RINL: variants seen among roughly 807,000 people sequenced by gnomAD.
RINL encodes Ras and Rab interactor like.
Under a neutral mutation model 58.1 loss-of-function variants are expected in RINL, and 39 were observed. The ratio of observed to expected loss-of-function variants is 0.67; its 90% CI spans 0.52 to 0.88. The LOEUF (loss-of-function observed/expected upper bound fraction) is 0.88, where lower values mean the gene tolerates loss of function less well. Ranked by LOEUF, RINL falls within the 40% of genes least tolerant of loss-of-function variation. The pLI, the probability that RINL is intolerant of heterozygous loss-of-function variation, is 0.00. For synonymous variants in RINL, 286 were observed against 323.1 expected (o/e 0.89, Z 1.23); for missense variants, 711 against 749.2 (o/e 0.95, Z 0.60).
At position 38,869,501 on chromosome 19, in the gene RINL, C is replaced by CG; in HGVS notation, c.1474+71dup. The CG allele has an allele frequency of 8.2e-6, 13 of 1,593,302 alleles. No homozygotes were observed. The highest frequency in any genetic ancestry group is 1.9e-4 in the Middle Eastern group (1 of 5,364). On this transcript the variant is annotated intron_variant, in intron 10 of 11. Coordinates refer to ENST00000591812, the MANE Select transcript of RINL (RefSeq NM_001195833.2). The surrounding 1 kb of genome is among the most constrained non-coding windows in gnomAD (Gnocchi z 5.7). ...AGTTTGCCTGCCGTCCCTCCTGCTGCGGGGGGAGGCTGTTTGGGATCCCGG... is the reference window on the plus strand; with the variant it reads ...AGTTTGCCTGCCGTCCCTCCTGCTGCGGGGGGGAGGCTGTTTGGGATCCCGG...
At position 38,874,029 on chromosome 19, in the gene RINL, G is replaced by T. The variant is rs575919495; in HGVS notation, c.211-41C>A. ...AAAGGCCAGCGTGACAAAGGTGTGC[G>T]CAGATGTCTGTTGCTTTTGCCTGAC... On this transcript the variant is annotated intron_variant, in intron 3 of 11. Coordinates refer to ENST00000591812, the MANE Select transcript of RINL (RefSeq NM_001195833.2). 4.0e-6 allele frequency: 5 copies of T among 1,236,808 alleles called. No homozygotes were observed. In the African/African-American group the frequency reaches 5.9e-5, roughly 15 times the overall value. 76.6% of individuals were successfully genotyped at this position (1,236,808 alleles called of 1,614,324 possible). A position where few individuals can be genotyped will look rare whatever the true frequency, so the allele number is the denominator to read the frequency against.
intron 4 of RINL, among the ~76,000 whole-genome samples, chr19:38,873,093 A>G (rs1156274824): frequency 6.6e-6 from 1 of 152,076 alleles, no homozygotes; most frequent in Non-Finnish European, 1.5e-5. Flanking sequence ...GAAAGTGACC[A>G]AGGTGCCATC....
rs1371869717 is a variant in RINL, at chr19:38,868,394, A to AGGCCGACGTG, written c.*700_*709dup. ...ACGCCTATAATCTCAGCACTTTGGGAGGCCGACGTGGGCAGATTGCTTGAG... is the reference window on the plus strand; with the variant it reads ...ACGCCTATAATCTCAGCACTTTGGGAGGCCGACGTGGGCCGACGTGGGCAGATTGCTTGAG... On this transcript the variant is annotated 3_prime_UTR_variant, in exon 12 of 12. Coordinates refer to ENST00000591812, the MANE Select transcript of RINL (RefSeq NM_001195833.2). The AGGCCGACGTG allele has an allele frequency of 1.1e-4, 16 of 151,924 alleles. No homozygotes were observed. The highest frequency in any genetic ancestry group is 1.9e-4 in the Non-Finnish European group (13 of 67,974). 9.4% of individuals were successfully genotyped at this position (151,924 alleles called of 1,614,324 possible). A position where few individuals can be genotyped will look rare whatever the true frequency, so the allele number is the denominator to read the frequency against.
In RINL at chr19:38,870,674, C is replaced by T. The variant is rs776042137; in HGVS notation, c.920G>A (p.Arg307Gln). The T allele has an allele frequency of 6.2e-7, 1 of 1,613,646 alleles. No individual in the cohort carries two copies. Among genetic ancestry groups the T allele is most frequent in the Non-Finnish European group, 8.5e-7 (1 of 1,179,880 alleles). The change falls in exon 8 of 12, where the codon CGG (arginine) becomes CAG (glutamine). Residue 307 changes from arginine (R) to glutamine (Q), a missense_variant. Coordinates refer to ENST00000591812, the MANE Select transcript of RINL (RefSeq NM_001195833.2). The surrounding 1 kb of genome is among the most constrained non-coding windows in gnomAD (Gnocchi z 5.8). ...DPATELLQDV[R>Q]HLLTDLQDHL... ...ATCCTGGAGGTCAGTAAGGAGGTGC[C>T]GCACATCCTGAAGCAGCTCCGTGGC... is the stretch of plus-strand genomic sequence containing the variant.
intron 7 of RINL, 41 bp downstream of exon 7, chr19:38,871,037 G>A (rs372875160): frequency 1.3e-6 from 2 of 1,578,774 alleles, no homozygotes; most frequent in Admixed American, 1.8e-5. Flanking sequence ...AGGGGCAGCA[G>A]CTCCCTCCCC....
In RINL at chr19:38,869,381, C is replaced by T. The variant is rs1402139827; in HGVS notation, c.1504G>A (p.Ala502Thr). 1 of 1,609,622 alleles carries T rather than the reference C, an allele frequency of 6.2e-7. No homozygotes were observed. Among genetic ancestry groups the T allele is most frequent in the East Asian group, 2.2e-5 (1 of 44,782 alleles). ...TGGTAGTGGGCAATGTGGTGCAGCG[C>T]CCCAAACCACGTGGTCAGGTAGTAC... ...AGYYLTTWFG[A>T]LHHIAHYQPE... The change falls in exon 11 of 12, where the codon GCG (alanine) becomes ACG (threonine). Residue 502 changes from alanine (A) to threonine (T), a missense_variant. Coordinates refer to ENST00000591812, the MANE Select transcript of RINL (RefSeq NM_001195833.2). This position sits in a 1 kb window ranked among gnomAD's most constrained non-coding sequence, Gnocchi z 5.7.
chr19:38,869,821 A>C lies in RINL; in HGVS notation c.1343-117T>G. The C allele has an allele frequency of 6.5e-7, 1 of 1,542,920 alleles. No individual in the cohort carries two copies. Among genetic ancestry groups the C allele is most frequent in the South Asian group, 1.2e-5 (1 of 85,464 alleles). On this transcript the variant is annotated intron_variant, in intron 9 of 11. Coordinates refer to ENST00000591812, the MANE Select transcript of RINL (RefSeq NM_001195833.2). This position sits in a 1 kb window ranked among gnomAD's most constrained non-coding sequence, Gnocchi z 5.7. Reference sequence around the variant, plus strand: ...CTGCCCCTCCACCTTGTCGGGCATGACAGCGCCTCCTACCAGAATCTTCAG... The same window carrying C: ...CTGCCCCTCCACCTTGTCGGGCATGCCAGCGCCTCCTACCAGAATCTTCAG...
Position 38,870,169 on chromosome 19 carries a change from C to G in RINL, c.1116G>C (p.Glu372Asp), listed in dbSNP as rs764253612. Residue 372 changes from glutamate to aspartate, a missense_variant, in exon 9 of 12, where the codon GAG (glutamate) becomes GAC (aspartate). By Grantham distance (45) the Glu-to-Asp change is conservative (BLOSUM62 2). Coordinates refer to ENST00000591812, the MANE Select transcript of RINL (RefSeq NM_001195833.2). This position sits in a 1 kb window ranked among gnomAD's most constrained non-coding sequence, Gnocchi z 5.8. ...WTRLRTLRAPELRRLRRRQTA... is the reference protein window; with the variant it reads ...WTRLRTLRAPDLRRLRRRQTA... ...TCTGTCGCCGCCGCAGCCGCCGCAG[C>G]TCCGGTGCTCGGAGTGTGCGGAGTC... The G allele has an allele frequency of 3.5e-6, 5 of 1,408,454 alleles. No individual in the cohort carries two copies. The highest frequency in any genetic ancestry group is 1.5e-5 in the African/African-American group (1 of 65,878). 87.2% of individuals were successfully genotyped at this position (1,408,454 alleles called of 1,614,324 possible).
At chr19:38,871,491 C>G in intron 6 of RINL, 156 bp downstream of exon 6, 1 of 736,088 alleles carries the variant, frequency 1.4e-6, no homozygotes, top group East Asian at 2.6e-5. Context: ...CCCCTCCTCC[C>G]TCTGGGACTA....
Position 38,870,738 on chromosome 19 carries a change from C to T in RINL, c.856G>A (p.Ala286Thr), listed in dbSNP as rs1379774051. 3 of 1,613,342 alleles carry T rather than the reference C, an allele frequency of 1.9e-6. No homozygotes were observed. Among genetic ancestry groups the T allele is most frequent in the Non-Finnish European group, 2.5e-6 (3 of 1,179,952 alleles). ...CCGTGGGGACCCCCAGAATCTGAGG[C>T]GATGCGCACCCGAAGGCTTCGGTAC... is the stretch of plus-strand genomic sequence containing the variant. ...RQYRSLRVRI[A>T]SDSGGPHGSG... Residue 286 changes from alanine (A) to threonine (T), a missense_variant, in exon 8 of 12, where the codon GCC becomes ACC. Transcript: ENST00000591812. The surrounding 1 kb of genome is among the most constrained non-coding windows in gnomAD (Gnocchi z 5.8).
chr19:38,875,564 C>A (rs547293500), intron 3 of RINL, among the ~76,000 whole-genome samples: 1 of 151,372 alleles, frequency 6.6e-6, no homozygotes, highest in African/African-American at 2.4e-5. Context: ...GTAATCCCAG[C>A]TACTCAGGAG....
At position 38,868,882 on chromosome 19, in the gene RINL, T is replaced by C; in HGVS notation, c.*222A>G. 1 of 485,318 alleles carries C rather than the reference T, an allele frequency of 2.1e-6. No homozygotes were observed. The highest frequency in any genetic ancestry group is 3.2e-5 in the South Asian group (1 of 30,906). 30.1% of individuals were successfully genotyped at this position (485,318 alleles called of 1,614,324 possible). On this transcript the variant is annotated 3_prime_UTR_variant, in exon 12 of 12. Coordinates refer to ENST00000591812, the MANE Select transcript of RINL (RefSeq NM_001195833.2). ...CTGCAGATGTCACCTCAGTGAGGCT[T>C]TCTCTGATACGCCTGTCTAAAACTG...
chr19:38,878,107 T>C, intron 1 of RINL, 125 bp downstream of exon 1: 1 of 152,280 alleles, frequency 6.6e-6, no homozygotes, highest in Non-Finnish European at 1.5e-5. Context: ...TGCCTGCTTG[T>C]GTACCGTGGC....
intron 1 of RINL, among the ~76,000 whole-genome samples, chr19:38,877,774 A>T (rs1392110931): frequency 6.6e-6 from 1 of 151,718 alleles, no homozygotes; most frequent in Non-Finnish European, 1.5e-5. Flanking sequence ...GGATCGGGGG[A>T]GGATCCATCC....
In RINL at chr19:38,869,906, C is replaced by A; in HGVS notation, c.1342+37G>T. 5 of 1,562,112 alleles carry A rather than the reference C, an allele frequency of 3.2e-6. No homozygotes were observed. Among genetic ancestry groups the A allele is most frequent in the Non-Finnish European group, 4.3e-6 (5 of 1,156,390 alleles). ...TCCCGCCTGGCTCCAACTCTCAAGG[C>A]TCTCCCCACCACGCTAGACGTTGAC... is the stretch of plus-strand genomic sequence containing the variant. On this transcript the variant is annotated intron_variant, in intron 9 of 11. Coordinates refer to ENST00000591812, the MANE Select transcript of RINL (RefSeq NM_001195833.2). This position sits in a 1 kb window ranked among gnomAD's most constrained non-coding sequence, Gnocchi z 5.7.
Position 38,869,847 on chromosome 19 carries a change from G to A in RINL, c.1342+96C>T. On this transcript the variant is annotated intron_variant, in intron 9 of 11. Coordinates refer to ENST00000591812, the MANE Select transcript of RINL (RefSeq NM_001195833.2). This position sits in a 1 kb window ranked among gnomAD's most constrained non-coding sequence, Gnocchi z 5.7. Reference sequence around the variant, plus strand: ...CAGCGCCTCCTACCAGAATCTTCAGGACCGCATAGATTCCTCCCACCAGTG... The same window carrying A: ...CAGCGCCTCCTACCAGAATCTTCAGAACCGCATAGATTCCTCCCACCAGTG... The A allele has an allele frequency of 1.3e-6, 2 of 1,523,050 alleles. No individual in the cohort carries two copies. The highest frequency in any genetic ancestry group is 1.7e-4 in the Middle Eastern group (1 of 5,824). 94.3% of individuals were successfully genotyped at this position (1,523,050 alleles called of 1,614,324 possible).
intron 4 of RINL, chr19:38,873,522 G>T: frequency 5.7e-6 from 1 of 174,246 alleles, no homozygotes; most frequent in Non-Finnish European, 1.2e-5. Context: ...AAAGCTGACA[G>T]GTGTTTTTGT....
chr19:38,869,016 GTCTCAAAC>G lies in RINL; in HGVS notation c.*80_*87del. 1 of 1,252,716 alleles carries G rather than the reference GTCTCAAAC, an allele frequency of 8.0e-7. No homozygotes were observed. The highest frequency in any genetic ancestry group is 1.1e-6 in the Non-Finnish European group (1 of 909,316). 77.6% of individuals were successfully genotyped at this position (1,252,716 alleles called of 1,614,324 possible). The stretch of plus-strand genomic sequence containing the variant: ...GGGTCCCACTGTTTTGCCCAGGCTG[GTCTCAAAC>G]TCCTGGGCTCAAGCAATCCTCCCAC... On this transcript the variant is annotated 3_prime_UTR_variant, in exon 12 of 12. Coordinates refer to ENST00000591812, the MANE Select transcript of RINL (RefSeq NM_001195833.2). This position sits in a 1 kb window ranked among gnomAD's most constrained non-coding sequence, Gnocchi z 5.7.
At chr19:38,873,814 C>A in intron 4 of RINL, 72 bp downstream of exon 4, 1 of 972,872 alleles carries the variant, frequency 1.0e-6, no homozygotes, top group Non-Finnish European at 1.6e-6. Flanking sequence ...GCGTGAGCCA[C>A]CGCGCCGGTC....
Sources: allele counts gnomAD v4.1 joint callset (sites outside exome capture counted in the v4.1 genomes callset), GRCh38; gene constraint gnomAD v4.1.1; non-coding constraint Gnocchi (gnomAD v3.1); transcripts MANE v1.5; gene names NCBI Gene and HGNC (gene_info 2026-07-23, HGNC 2026-07-21).